The following FOCAD variants were observed in gnomAD, a reference collection of about 807,000 sequenced individuals.
FOCAD encodes the protein KIAA1797.
Under a neutral mutation model 225.6 loss-of-function variants are expected in FOCAD, and 198 were observed. The observed-to-expected ratio is 0.88, with a 90% confidence interval of 0.78 to 0.99. The LOEUF (loss-of-function observed/expected upper bound fraction) is 0.99. Ranked by LOEUF, FOCAD falls within the 50% of genes least tolerant of loss-of-function variation. The probability of loss-of-function intolerance (pLI) is 0.00; values close to 1 mark genes in which losing one functional copy is unlikely to be tolerated. For missense variants in FOCAD, 2,713 were observed against 2,123.6 expected (o/e 1.28, Z -5.46); for synonymous variants, 897 against 755.0 (o/e 1.19, Z -3.08).
Position 20,720,509 on chromosome 9 carries a change from A to T in FOCAD, c.262A>T (p.Ile88Leu), listed in dbSNP as rs752355389. The T allele has an allele frequency of 1.2e-6, 2 of 1,613,976 alleles. No individual in the cohort carries two copies. Among genetic ancestry groups the T allele is most frequent in the Admixed American group, 1.7e-5 (1 of 60,004 alleles). The change falls in exon 4 of 44, where the codon ATA (isoleucine) becomes TTA (leucine). Residue 88 changes from isoleucine (I) to leucine (L), a missense_variant. Physicochemically the swap from Ile to Leu is conservative, Grantham distance 5. Coordinates refer to ENST00000338382, the MANE Select transcript of FOCAD (RefSeq NM_001375567.1). ...HAEFSYVLNG[I>L]LNLIPSTRNT... ...AGAGTTCAGCTATGTTCTCAATGGG[A>T]TACTCAACTTGATTCCATCAACCAG...
intron 18 of FOCAD, among the ~76,000 whole-genome samples, chr9:20,868,722 G>A (rs532137828): frequency 1.3e-3 from 192 of 147,930 alleles, no homozygotes; most frequent in Middle Eastern, 3.4e-3. Flanking sequence ...TTTTTTTCTT[G>A]CCCTAATCCC....
chr9:20,879,753 T>G (rs1410786255), intron 19 of FOCAD, among the ~76,000 whole-genome samples: 1 of 152,212 alleles, frequency 6.6e-6, no homozygotes, highest in Non-Finnish European at 1.5e-5. Context: ...TGAAGCTCTA[T>G]ACATCAACTA....
intron 4 of FOCAD, among the ~76,000 whole-genome samples, chr9:20,735,462 A>ATCCT (rs371332139): frequency 2.8e-4 from 42 of 150,676 alleles, no homozygotes; most frequent in Admixed American, 6.0e-4. Context: ...TCTTCAGTCA[A>ATCCT]TCCTTCCTTC....
intron 21 of FOCAD, among the ~76,000 whole-genome samples, chr9:20,897,228 T>G (rs1456202616): frequency 6.6e-6 from 1 of 151,780 alleles, no homozygotes; most frequent in Non-Finnish European, 1.5e-5. Flanking sequence ...TTCTTTTGAT[T>G]AATGTTAGCA....
chr9:20,793,984 A>G (rs1409317020), intron 11 of FOCAD, among the ~76,000 whole-genome samples: 1 of 152,184 alleles, frequency 6.6e-6, no homozygotes, highest in African/African-American at 2.4e-5. Context: ...GTAAGTTGAC[A>G]TGTCTCATCA....
chr9:20,690,357 C>G (rs1478709112), intron 1 of FOCAD, among the ~76,000 whole-genome samples: 2 of 152,144 alleles, frequency 1.3e-5, no homozygotes, highest in Non-Finnish European at 2.9e-5. Context: ...AAAATAATAG[C>G]TTTTGACCCC....
intron 26 of FOCAD, 105 bp from the exon 27 acceptor site, chr9:20,929,253 G>A: frequency 1.2e-5 from 10 of 807,864 alleles, no homozygotes; most frequent in Middle Eastern, 3.3e-4. Flanking sequence ...GTGTCGGCCG[G>A]GGTGGATCTA....
intron 6 of FOCAD, among the ~76,000 whole-genome samples, chr9:20,761,044 T>C (rs1829550146): frequency 6.6e-6 from 1 of 152,066 alleles, no homozygotes; most frequent in East Asian, 1.9e-4. Context: ...ACAATTATTA[T>C]TATTTTTAAG....
At chr9:20,871,826 T>C (rs1163470001) in intron 18 of FOCAD, among the ~76,000 whole-genome samples, 1 of 148,082 alleles carries the variant, frequency 6.8e-6, no homozygotes, top group African/African-American at 2.5e-5. Context: ...AGTTAATGGG[T>C]GCAGCACACC....
intron 15 of FOCAD, among the ~76,000 whole-genome samples, chr9:20,838,565 A>T (rs1416785140): frequency 1.3e-5 from 2 of 152,154 alleles, no homozygotes; most frequent in Admixed American, 6.6e-5. Flanking sequence ...CATTTATGCT[A>T]CACTTGTAAC....
chr9:20,707,202 C>T (rs1190458178), intron 1 of FOCAD, among the ~76,000 whole-genome samples: 1 of 152,172 alleles, frequency 6.6e-6, no homozygotes. Context: ...GTGGCTCTGT[C>T]ACACCACTGA....
intron 6 of FOCAD, among the ~76,000 whole-genome samples, chr9:20,759,190 G>A (rs562921876): frequency 6.6e-6 from 1 of 152,178 alleles, no homozygotes; most frequent in East Asian, 1.9e-4. Flanking sequence ...TGGCCATACT[G>A]CCCAAGGCCA....
chr9:20,656,042 G>GTC (rs201451303), upstream of FOCAD, among the ~76,000 whole-genome samples: 606 of 151,858 alleles, frequency 4.0e-3, 9 homozygotes, highest in East Asian at 0.067. Context: ...GTACCCAGTA[G>GTC]TCATTCAGGA....
chr9:20,765,048 G>T lies in FOCAD; in HGVS notation c.674G>T (p.Cys225Phe). The change falls in exon 7 of 44, where the codon TGT becomes TTT. Residue 225 changes from cysteine to phenylalanine, a missense_variant. By Grantham distance (205) the Cys-to-Phe change is radical. Transcript: ENST00000338382. The part of the protein sequence containing the change: ...SILEQQILQL[C>F]CDIVPCLQVK... ...CTGGAACAGCAGATACTTCAACTGTGTTGTGACATAGTTCCATGTTTGCAG... is the reference window on the plus strand; with the variant it reads ...CTGGAACAGCAGATACTTCAACTGTTTTGTGACATAGTTCCATGTTTGCAG... 6.2e-7 allele frequency: 1 copy of T among 1,613,814 alleles called. No individual in the cohort carries two copies. Among genetic ancestry groups the T allele is most frequent in the African/African-American group, 1.3e-5 (1 of 75,050 alleles).
chr9:20,764,452 C>T (rs566775918), intron 6 of FOCAD, among the ~76,000 whole-genome samples: 3 of 152,328 alleles, frequency 2.0e-5, no homozygotes, highest in Admixed American at 1.3e-4. Context: ...CAGTGTTTCA[C>T]CATGTTGGCC....
At chr9:20,672,543 C>A (rs952747965) in intron 2 of FOCAD, among the ~76,000 whole-genome samples, 4 of 152,180 alleles carry the variant, frequency 2.6e-5, no homozygotes, top group Admixed American at 6.5e-5. Flanking sequence ...CTCTGCCTCC[C>A]GGGCTCACGC....
chr9:20,796,075 T>C (rs1396421594), intron 11 of FOCAD, among the ~76,000 whole-genome samples: 1 of 152,050 alleles, frequency 6.6e-6, no homozygotes, highest in Non-Finnish European at 1.5e-5. Context: ...TTTGGTTTTT[T>C]GTTCTTGCGA....
intron 4 of FOCAD, among the ~76,000 whole-genome samples, chr9:20,725,656 T>TA (rs1192131059): frequency 2.6e-5 from 4 of 152,210 alleles, no homozygotes; most frequent in African/African-American, 7.2e-5. Context: ...GGAACACGTA[T>TA]GGAAGCCCGC....
Position 20,740,078 on chromosome 9 carries a change from G to A in FOCAD, c.288-158G>A, listed in dbSNP as rs10115318. Among the ~76,000 whole-genome samples the A allele has an allele frequency of 0.23, 35,604 of 151,990 alleles. 4,393 individuals are homozygous for A. Among genetic ancestry groups the A allele is most frequent in the South Asian group, 0.34 (1,625 of 4,812 alleles). On this transcript the variant is annotated intron_variant, in intron 4 of 43. Coordinates refer to ENST00000338382, the MANE Select transcript of FOCAD (RefSeq NM_001375567.1). ...CTTCTCCTTTAAATGTGTTGGATGG[G>A]TTTGGGCTGTACTATAGAATGAGTT... is the stretch of plus-strand genomic sequence containing the variant.
Sources: allele counts gnomAD v4.1 joint callset (sites outside exome capture counted in the v4.1 genomes callset), GRCh38; gene constraint gnomAD v4.1.1; transcripts MANE v1.5; gene names NCBI Gene and HGNC (gene_info 2026-07-23, HGNC 2026-07-21).